The following PSMA1 variants were observed in gnomAD, a reference collection of about 807,000 sequenced individuals.
The protein encoded by PSMA1 is proteasome 20S subunit alpha 1.
A neutral mutation model predicts 38.4 loss-of-function variants in PSMA1; 3 were observed. That is an observed-to-expected ratio of 0.08 (90% CI 0.04 to 0.20). The LOEUF is 0.20. Among genes scored for constraint, PSMA1 ranks in the 10% least tolerant of loss-of-function variants. PSMA1 has a pLI of 1.00. For missense variants in PSMA1, 227 were observed against 325.3 expected (o/e 0.70, Z 2.32); for synonymous variants, 101 against 107.1 (o/e 0.94, Z 0.35).
At chr11:14,578,229 A>C (rs961070147) in intron 2 of PSMA1, among the ~76,000 whole-genome samples, 6 of 152,226 alleles carry the variant, frequency 3.9e-5, no homozygotes, top group Admixed American at 2.6e-4. Context: ...ATAATTAAAA[A>C]AAAATAGTCT....
In PSMA1 at chr11:14,546,583, G is replaced by A. The variant is rs183779699; in HGVS notation, c.22-27542C>T. On this transcript the variant is annotated intron_variant, in intron 2 of 10. Coordinates refer to the PSMA1 transcript ENST00000418988. ...CTCCCAAGTAGCTAGGATTACAGGC[G>A]TGTGTCACCATGCCCGGCTAATTTT... 1.6e-4 allele frequency among the ~76,000 whole-genome samples: 25 copies of A among 152,038 alleles called. No homozygotes were observed. The East Asian group carries it at 2.7e-3, about 16-fold the overall frequency.
chr11:14,614,934 C>T (rs1368289167), intron 1 of PSMA1, among the ~76,000 whole-genome samples: 1 of 152,146 alleles, frequency 6.6e-6, no homozygotes, highest in African/African-American at 2.4e-5. Flanking sequence ...AGTTTCTGAG[C>T]GGATCCTCAT....
chr11:14,507,824 C>T (rs184151984), intron 8 of PSMA1, 58 bp from the exon 9 acceptor site: 29 of 1,122,966 alleles, frequency 2.6e-5, no homozygotes, highest in African/African-American at 9.4e-5. Flanking sequence ...AAAATACATA[C>T]GATAAAATAT....
At chr11:14,548,117 CTGT>C (rs753667527) in intron 2 of PSMA1, among the ~76,000 whole-genome samples, 4 of 152,098 alleles carry the variant, frequency 2.6e-5, no homozygotes, top group Non-Finnish European at 5.9e-5. Context: ...TTATGTGTTA[CTGT>C]TGTTAGCACT....
chr11:14,584,507 GTT>G (rs58620375), intron 2 of PSMA1, among the ~76,000 whole-genome samples: 19 of 124,796 alleles, frequency 1.5e-4, no homozygotes, highest in African/African-American at 2.6e-4. Context: ...TTTGTTTTTT[GTT>G]TTTTTTTTTT....
intron 2 of PSMA1, among the ~76,000 whole-genome samples, chr11:14,577,579 A>G (rs1019100460): frequency 1.3e-5 from 2 of 152,180 alleles, no homozygotes; most frequent in Non-Finnish European, 2.9e-5. Context: ...AACAACAATA[A>G]AAGTAATAGT....
In PSMA1 at chr11:14,513,674, G is replaced by A. The variant is rs1245417709; in HGVS notation, c.440C>T (p.Thr147Ile). ...YDDMGPHIFQ[T>I]CPSANYFDCR... ...GTCAAAATAGTTAGCAGATGGACAGGTTTGGAAAATGTGAGGGCCCATATC... is the reference window on the plus strand; with the variant it reads ...GTCAAAATAGTTAGCAGATGGACAGATTTGGAAAATGTGAGGGCCCATATC... The change falls in exon 7 of 10, where the codon ACC becomes ATC. Residue 147 changes from threonine to isoleucine, a missense_variant. Coordinates refer to ENST00000396394, the MANE Select transcript of PSMA1 (RefSeq NM_002786.4). The A allele has an allele frequency of 3.8e-6, 6 of 1,589,854 alleles. No individual in the cohort carries two copies. The highest frequency in any genetic ancestry group is 1.9e-5 in the Admixed American group (1 of 53,944).
upstream of PSMA1, chr11:14,520,462 T>A (rs959452796): frequency 6.5e-7 from 1 of 1,533,136 alleles, no homozygotes; most frequent in Middle Eastern, 1.8e-4. Context: ...CTTGCAACAC[T>A]TCCCCCTCCT....
At chr11:14,606,639 C>T (rs1852646862) in intron 2 of PSMA1, among the ~76,000 whole-genome samples, 1 of 152,070 alleles carries the variant, frequency 6.6e-6, no homozygotes, top group Non-Finnish European at 1.5e-5. Context: ...TATCATGAAA[C>T]AGAGCTATAA....
chr11:14,608,797 T>C (rs2134197438), intron 2 of PSMA1, among the ~76,000 whole-genome samples: 1 of 150,540 alleles, frequency 6.6e-6, no homozygotes, highest in South Asian at 2.1e-4. Flanking sequence ...ATAGACTTCT[T>C]CCCATTATCA....
At chr11:14,596,391 C>T (rs1852494089) in intron 2 of PSMA1, among the ~76,000 whole-genome samples, 1 of 152,176 alleles carries the variant, frequency 6.6e-6, no homozygotes, top group East Asian at 1.9e-4. Context: ...GAATATTCTT[C>T]CATTTGCTTG....
chr11:14,633,469 C>G (rs1020133640), intron 1 of PSMA1, among the ~76,000 whole-genome samples: 1 of 151,902 alleles, frequency 6.6e-6, no homozygotes, highest in African/African-American at 2.4e-5. Context: ...GGGTCAGGGA[C>G]CCACTTGAGG....
At chr11:14,557,538 G>T (rs1015279610) in intron 2 of PSMA1, among the ~76,000 whole-genome samples, 1 of 152,216 alleles carries the variant, frequency 6.6e-6, no homozygotes, top group South Asian at 2.1e-4. Context: ...CAACGTGCCT[G>T]GCCATCTTTT....
chr11:14,549,518 G>C (rs1421685170), intron 2 of PSMA1, among the ~76,000 whole-genome samples: 3 of 151,944 alleles, frequency 2.0e-5, no homozygotes, highest in Non-Finnish European at 4.4e-5. Flanking sequence ...TGGCTAACAC[G>C]TTGAAACCCT....
intron 2 of PSMA1, among the ~76,000 whole-genome samples, chr11:14,596,711 C>T (rs1187030284): frequency 6.6e-6 from 1 of 152,226 alleles, no homozygotes; most frequent in Non-Finnish European, 1.5e-5. Flanking sequence ...TTGACTTCCT[C>T]ATTTCCTAAT....
At chr11:14,578,565 T>C (rs1852246928) in intron 2 of PSMA1, among the ~76,000 whole-genome samples, 3 of 152,228 alleles carry the variant, frequency 2.0e-5, no homozygotes, top group African/African-American at 2.4e-5. Flanking sequence ...TGATGGCTTC[T>C]ACTATAAGAA....
intron 2 of PSMA1, among the ~76,000 whole-genome samples, chr11:14,592,218 G>A (rs932347332): frequency 2.6e-5 from 4 of 152,034 alleles, no homozygotes; most frequent in African/African-American, 7.2e-5. Context: ...GCGAGGGTCC[G>A]CGGCTTCATT....
chr11:14,623,025 C>G (rs1043547969), intron 1 of PSMA1, among the ~76,000 whole-genome samples: 44 of 152,316 alleles, frequency 2.9e-4, no homozygotes, highest in African/African-American at 1.0e-3. Context: ...GGGTCTAGAA[C>G]TGCACATTAC....
intron 1 of PSMA1, among the ~76,000 whole-genome samples, chr11:14,643,016 C>A (rs1259910615): frequency 6.6e-6 from 1 of 151,886 alleles, no homozygotes; most frequent in Non-Finnish European, 1.5e-5. Context: ...AGTTGTGAAC[C>A]GGCGGATATG....
Sources: gnomAD v4.1 joint callset for allele counts (sites outside exome capture counted in the v4.1 genomes callset) on GRCh38, gnomAD v4.1.1 for gene constraint, MANE v1.5 for transcripts, NCBI Gene and HGNC (gene_info 2026-07-23, HGNC 2026-07-21) for gene names.